Variants in LRRTM3 observed in about 807,000 individuals in gnomAD.
The protein encoded by LRRTM3 is leucine-rich repeat transmembrane neuronal protein 3.
Under a neutral mutation model 44.7 loss-of-function variants are expected in LRRTM3, and 24 were observed. The ratio of observed to expected loss-of-function variants is 0.54; its 90% CI spans 0.39 to 0.76. The LOEUF (loss-of-function observed/expected upper bound fraction) is 0.76, where lower values mean the gene tolerates loss of function less well. Among genes scored for constraint, LRRTM3 ranks in the 30% least tolerant of loss-of-function variants. LRRTM3 has a pLI of 0.00. For missense variants in LRRTM3, 587 were observed against 702.2 expected, an observed-to-expected ratio of 0.84 and a Z score of 1.85; for synonymous variants, 277 against 278.7, an observed-to-expected ratio of 0.99 and a Z score of 0.06.
intron 2 of LRRTM3, among the ~76,000 whole-genome samples, chr10:67,051,472 T>G (rs1273022416): frequency 1.3e-5 from 2 of 151,744 alleles, no homozygotes; most frequent in African/African-American, 4.8e-5. Flanking sequence ...TCTTTTTTTT[T>G]TTTTGGTGAC....
rs530516119 is a variant in LRRTM3, at chr10:67,000,444, A to G, written c.1536+71992A>G. Among the ~76,000 whole-genome samples, 416 of 152,290 alleles carry G rather than the reference A, an allele frequency of 2.7e-3. 2 individuals are homozygous for G. The highest frequency in any genetic ancestry group is 9.3e-3 in the African/African-American group (388 of 41,570). Reference sequence around the variant, plus strand: ...ACTTATTGTGATGATGTTGACTGCTACCTAGTTAGTTCTATGAGAGACAAC... The same window carrying G: ...ACTTATTGTGATGATGTTGACTGCTGCCTAGTTAGTTCTATGAGAGACAAC... On this transcript the variant is annotated intron_variant, in intron 2 of 2. Transcript: ENST00000361320.
At chr10:67,081,727 A>G (rs1039654717) in intron 2 of LRRTM3, among the ~76,000 whole-genome samples, 1 of 152,086 alleles carries the variant, frequency 6.6e-6, no homozygotes, top group African/African-American at 2.4e-5. Context: ...ATGCCTCTGC[A>G]CTTCTGCCTA....
chr10:67,015,528 A>C (rs941712620), intron 2 of LRRTM3: 3 of 152,204 alleles, frequency 2.0e-5, no homozygotes, highest in African/African-American at 7.2e-5. Context: ...ATTGAAAGCC[A>C]ACCTTTATTC....
At chr10:67,080,951 AAAG>A (rs1857032203) in intron 2 of LRRTM3, among the ~76,000 whole-genome samples, 1 of 150,648 alleles carries the variant, frequency 6.6e-6, no homozygotes, top group Non-Finnish European at 1.5e-5. Flanking sequence ...AAAAAAAAAC[AAAG>A]AAGAGGTGAA....
At chr10:66,966,874 T>C (rs1215926385) in intron 2 of LRRTM3, among the ~76,000 whole-genome samples, 1 of 152,100 alleles carries the variant, frequency 6.6e-6, no homozygotes, top group African/African-American at 2.4e-5. Flanking sequence ...AAGACATGTT[T>C]AGTAGCTTTT....
chr10:66,931,060 C>T lies in LRRTM3; in HGVS notation c.1536+2608C>T, dbSNP rs2140383. Reference sequence around the variant, plus strand: ...CCTCACCTCCATCCCATGGTACTTTCTGGACTACATATCATAAATCTATTT... The same window carrying T: ...CCTCACCTCCATCCCATGGTACTTTTTGGACTACATATCATAAATCTATTT... On this transcript the variant is annotated intron_variant, in intron 2 of 2. Coordinates refer to ENST00000361320, the MANE Select transcript of LRRTM3 (RefSeq NM_178011.5). Among the ~76,000 whole-genome samples, 303 of 152,206 alleles carry T rather than the reference C, an allele frequency of 2.0e-3. 1 individual carries two copies. Among genetic ancestry groups the T allele is most frequent in the Non-Finnish European group, 3.7e-3 (251 of 67,996 alleles).
Position 66,928,330 on chromosome 10 carries a change from A to G in LRRTM3, c.1414A>G (p.Met472Val). ...RKKKRQSLKQ[M>V]TPSTQEFYVD... Reference sequence around the variant, plus strand: ...AAAGAAAAGACAGTCCCTAAAGCAAATGACTCCCAGCACCCAGGAATTTTA... The same window carrying G: ...AAAGAAAAGACAGTCCCTAAAGCAAGTGACTCCCAGCACCCAGGAATTTTA... The change falls in exon 2 of 3, where the codon ATG becomes GTG. Residue 472 changes from methionine to valine, a missense_variant. Transcript: ENST00000361320. The G allele has an allele frequency of 6.2e-7, 1 of 1,614,132 alleles. No homozygotes were observed. The highest frequency in any genetic ancestry group is 8.5e-7 in the Non-Finnish European group (1 of 1,180,028).
chr10:67,002,593 C>T (rs576719052), intron 2 of LRRTM3, among the ~76,000 whole-genome samples: 220 of 152,094 alleles, frequency 1.4e-3, no homozygotes, highest in Admixed American at 2.5e-3. Context: ...ACAATGAACA[C>T]AGGTAAATTA....
At chr10:66,962,992 A>ATGAAT (rs112463322) in intron 2 of LRRTM3, among the ~76,000 whole-genome samples, 2 of 152,066 alleles carry the variant, frequency 1.3e-5, no homozygotes, top group African/African-American at 4.8e-5. Flanking sequence ...GAATGAATGA[A>ATGAAT]GGGGTTCTTT....
At position 67,098,095 on chromosome 10, in the gene LRRTM3, G is replaced by A. The variant is rs1858125920; in HGVS notation, c.*299G>A. 1.4e-5 allele frequency: 5 copies of A among 355,738 alleles called. No individual in the cohort carries two copies. Among genetic ancestry groups the A allele is most frequent in the Admixed American group, 4.3e-5 (1 of 23,160 alleles). 22.0% of individuals were successfully genotyped at this position (355,738 alleles called of 1,614,324 possible). ...TACCTACCTGTAAAAACTGTACAAA[G>A]CTAATGTATTTTTCATATTGTAAAG... On this transcript the variant is annotated 3_prime_UTR_variant, in exon 3 of 3. Coordinates refer to ENST00000361320, the MANE Select transcript of LRRTM3 (RefSeq NM_178011.5).
intron 2 of LRRTM3, among the ~76,000 whole-genome samples, chr10:66,974,560 T>C (rs1234738881): frequency 1.3e-5 from 2 of 152,214 alleles, no homozygotes; most frequent in Non-Finnish European, 2.9e-5. Flanking sequence ...AGTGAATGCT[T>C]ACCTTTTTAA....
intron 2 of LRRTM3, among the ~76,000 whole-genome samples, chr10:67,086,395 T>G (rs1857309771): frequency 6.6e-6 from 1 of 151,988 alleles, no homozygotes; most frequent in South Asian, 2.1e-4. Flanking sequence ...AAAGTCTCAA[T>G]TAATTTAGTA....
chr10:67,087,990 G>T (rs1238437379), intron 2 of LRRTM3, among the ~76,000 whole-genome samples: 3 of 151,888 alleles, frequency 2.0e-5, no homozygotes, highest in Non-Finnish European at 4.4e-5. Context: ...TGAGATAAAA[G>T]ATCTGTGCAA....
At chr10:66,968,346 TTA>T (rs961646168) in intron 2 of LRRTM3, among the ~76,000 whole-genome samples, 5 of 149,022 alleles carry the variant, frequency 3.4e-5, no homozygotes, top group South Asian at 2.1e-4. Context: ...TAAATAAATA[TTA>T]TATATATATA....
intron 2 of LRRTM3, among the ~76,000 whole-genome samples, chr10:67,071,063 A>G (rs981230801): frequency 6.6e-6 from 1 of 152,006 alleles, no homozygotes; most frequent in African/African-American, 2.4e-5. Flanking sequence ...TTCATTTATC[A>G]CTTCTTACTT....
intron 2 of LRRTM3, among the ~76,000 whole-genome samples, chr10:66,995,184 C>G (rs1318989036): frequency 6.6e-6 from 1 of 152,148 alleles, no homozygotes; most frequent in Non-Finnish European, 1.5e-5. Flanking sequence ...GATTTCCATA[C>G]TCTCCTCCTT....
intron 2 of LRRTM3, among the ~76,000 whole-genome samples, chr10:66,975,372 G>A (rs762665478): frequency 2.0e-5 from 3 of 152,204 alleles, no homozygotes; most frequent in Non-Finnish European, 4.4e-5. Context: ...TTGTAGGTAA[G>A]GATGTACTTG....
At chr10:66,953,308 C>T (rs1848631085) in intron 2 of LRRTM3, among the ~76,000 whole-genome samples, 1 of 152,150 alleles carries the variant, frequency 6.6e-6, no homozygotes, top group South Asian at 2.1e-4. Flanking sequence ...AATGTGCACC[C>T]ACCAATAATT....
intron 2 of LRRTM3, among the ~76,000 whole-genome samples, chr10:67,051,414 A>C (rs912756911): frequency 1.3e-5 from 2 of 152,158 alleles, no homozygotes; most frequent in African/African-American, 2.4e-5. Flanking sequence ...TAATAAGCCA[A>C]GAAATGCTAT....
Sources: allele counts gnomAD v4.1 joint callset (sites outside exome capture counted in the v4.1 genomes callset), GRCh38; gene constraint gnomAD v4.1.1; transcripts MANE v1.5; gene names NCBI Gene and HGNC (gene_info 2026-07-23, HGNC 2026-07-21).